Variants in CMSS1 observed in about 807,000 individuals in gnomAD.
CMSS1 encodes the protein protein CMSS1.
A neutral mutation model predicts 43.5 loss-of-function variants in CMSS1; 33 were observed. The observed-to-expected ratio is 0.76, with a 90% confidence interval of 0.57 to 1.01. The LOEUF (loss-of-function observed/expected upper bound fraction) is 1.01. Ranked by LOEUF, CMSS1 falls within the 50% of genes least tolerant of loss-of-function variation. The probability of loss-of-function intolerance (pLI) is 0.00; values close to 1 mark genes in which losing one functional copy is unlikely to be tolerated. For missense variants in CMSS1, 313 were observed against 326.4 expected (o/e 0.96, Z 0.32); for synonymous variants, 115 against 117.2 (o/e 0.98, Z 0.12).
intron 1 of CMSS1, among the ~76,000 whole-genome samples, chr3:100,007,484 A>C (rs1387382557): frequency 6.6e-6 from 1 of 152,212 alleles, no homozygotes; most frequent in African/African-American, 2.4e-5. Flanking sequence ...GAGAGAAATC[A>C]AATCATGAAA....
intron 1 of CMSS1, 127 bp downstream of exon 1, chr3:99,818,170 A>C: frequency 1.2e-6 from 1 of 800,404 alleles, no homozygotes; most frequent in South Asian, 1.5e-5. Flanking sequence ...GGGAGCGCGC[A>C]AGCATCTCGG....
In CMSS1 at chr3:100,181,561, G is replaced by GT. The variant is rs2067184622; in HGVS notation, c.*3174dup. 1 of 152,150 alleles carries GT rather than the reference G, an allele frequency of 6.6e-6. No homozygotes were observed. The highest frequency in any genetic ancestry group is 1.5e-5 in the Non-Finnish European group (1 of 68,028). 9.4% of individuals were successfully genotyped at this position (152,150 alleles called of 1,614,324 possible). ...CCCACATTGCACTTACTTAGTTGTTGTATCTTTTTGGTTTCTTCAGACCAG... is the reference window on the plus strand; with the variant it reads ...CCCACATTGCACTTACTTAGTTGTTGTTATCTTTTTGGTTTCTTCAGACCAG... On this transcript the variant is annotated 3_prime_UTR_variant, in exon 10 of 10. Transcript: ENST00000421999.
chr3:100,178,443 A>G lies in CMSS1; in HGVS notation c.*55A>G, dbSNP rs2067165969. ...CACAGTAGAAGTTGCATCTTATTTAATGACTCTGATACATTGCAAGCACTC... is the reference window on the plus strand; with the variant it reads ...CACAGTAGAAGTTGCATCTTATTTAGTGACTCTGATACATTGCAAGCACTC... On this transcript the variant is annotated 3_prime_UTR_variant, in exon 10 of 10. Transcript: ENST00000421999. 1.8e-6 allele frequency: 2 copies of G among 1,085,298 alleles called. No individual in the cohort carries two copies. The highest frequency in any genetic ancestry group is 1.8e-5 in the Admixed American group (1 of 54,594). 67.2% of individuals were successfully genotyped at this position (1,085,298 alleles called of 1,614,324 possible).
chr3:100,041,550 A>G (rs973061941), intron 1 of CMSS1, among the ~76,000 whole-genome samples: 1 of 152,220 alleles, frequency 6.6e-6, no homozygotes, highest in African/African-American at 2.4e-5. Flanking sequence ...TACACACTTC[A>G]ACAGGAATGC....
At chr3:99,823,723 A>G (rs538503017) in intron 1 of CMSS1, among the ~76,000 whole-genome samples, 2 of 152,156 alleles carry the variant, frequency 1.3e-5, no homozygotes, top group Middle Eastern at 6.8e-3. Flanking sequence ...TGGCACATAG[A>G]ATGAAATTCA....
chr3:99,909,180 A>G (rs1468569091), intron 1 of CMSS1, among the ~76,000 whole-genome samples: 4 of 152,214 alleles, frequency 2.6e-5, no homozygotes, highest in Admixed American at 6.5e-5. Flanking sequence ...GGTGAAAGAC[A>G]TGCAGGGAGA....
chr3:100,085,124 A>T (rs1465144603), intron 1 of CMSS1, among the ~76,000 whole-genome samples: 1 of 152,218 alleles, frequency 6.6e-6, no homozygotes, highest in Non-Finnish European at 1.5e-5. Context: ...CAATAGAATC[A>T]CAAGAGAAAC....
At chr3:99,919,830 A>G (rs1707068129) in intron 1 of CMSS1, among the ~76,000 whole-genome samples, 1 of 152,224 alleles carries the variant, frequency 6.6e-6, no homozygotes, top group African/African-American at 2.4e-5. Flanking sequence ...CTTAACAGCA[A>G]AGAACTTCCC....
chr3:100,121,450 A>G (rs1022594432), intron 1 of CMSS1, among the ~76,000 whole-genome samples: 14 of 152,056 alleles, frequency 9.2e-5, no homozygotes, highest in Admixed American at 3.9e-4. Flanking sequence ...ATAGTATTCC[A>G]TGGTGTATAT....
chr3:99,832,406 A>G (rs1318316854), intron 1 of CMSS1, among the ~76,000 whole-genome samples: 7 of 150,004 alleles, frequency 4.7e-5, no homozygotes, highest in Admixed American at 4.6e-4. Flanking sequence ...AATTTTTTGT[A>G]TTTTTAGTAG....
At chr3:100,043,662 T>C (rs2065239607) in intron 1 of CMSS1, among the ~76,000 whole-genome samples, 1 of 152,220 alleles carries the variant, frequency 6.6e-6, no homozygotes, top group South Asian at 2.1e-4. Context: ...GTTGAATTTA[T>C]TTTTTAAAAC....
intron 1 of CMSS1, among the ~76,000 whole-genome samples, chr3:100,091,985 G>A (rs2066118256): frequency 6.6e-6 from 1 of 152,144 alleles, no homozygotes; most frequent in Admixed American, 6.5e-5. Flanking sequence ...TCTGTCCTAG[G>A]GCAAGTTGCT....
intron 1 of CMSS1, among the ~76,000 whole-genome samples, chr3:100,126,934 C>G (rs551433865): frequency 2.6e-5 from 4 of 151,722 alleles, no homozygotes; most frequent in South Asian, 4.2e-4. Context: ...GGAGGCGGAG[C>G]TTGCAGTGAG....
intron 1 of CMSS1, among the ~76,000 whole-genome samples, chr3:100,076,801 T>C (rs2065857121): frequency 1.3e-5 from 2 of 152,248 alleles, no homozygotes; most frequent in Admixed American, 1.3e-4. Flanking sequence ...TAAAGTTGTT[T>C]AATAAGATCT....
At chr3:99,913,470 A>G (rs1290033877) in intron 1 of CMSS1, among the ~76,000 whole-genome samples, 1 of 152,224 alleles carries the variant, frequency 6.6e-6, no homozygotes, top group Non-Finnish European at 1.5e-5. Context: ...AGGCATTTGA[A>G]GTTACTGAGA....
intron 1 of CMSS1, among the ~76,000 whole-genome samples, chr3:99,915,672 G>A (rs1389374914): frequency 1.3e-5 from 2 of 151,580 alleles, no homozygotes; most frequent in African/African-American, 4.8e-5. Flanking sequence ...GCCCAGCTCA[G>A]TGTTATACAG....
chr3:99,880,508 C>T (rs1487703430), intron 1 of CMSS1, among the ~76,000 whole-genome samples: 1 of 152,124 alleles, frequency 6.6e-6, no homozygotes. Context: ...AATTATTCTG[C>T]TCATACTTCA....
At chr3:100,120,401 G>C (rs2066609502) in intron 1 of CMSS1, among the ~76,000 whole-genome samples, 1 of 152,184 alleles carries the variant, frequency 6.6e-6, no homozygotes, top group South Asian at 2.1e-4. Context: ...TCTCAGATTG[G>C]ACCAGTGTCT....
At chr3:99,822,663 C>T (rs529479573) in intron 1 of CMSS1, among the ~76,000 whole-genome samples, 6 of 152,212 alleles carry the variant, frequency 3.9e-5, no homozygotes, top group Non-Finnish European at 7.4e-5. Flanking sequence ...ACCCAGGAGG[C>T]GGGGGTTGCA....
Sources: gnomAD v4.1 joint callset for allele counts (sites outside exome capture counted in the v4.1 genomes callset) on GRCh38, gnomAD v4.1.1 for gene constraint, MANE v1.5 for transcripts, NCBI Gene and HGNC (gene_info 2026-07-23, HGNC 2026-07-21) for gene names.